The following LRRC4C variants were observed in gnomAD, a reference collection of about 807,000 sequenced individuals.
LRRC4C encodes the protein leucine-rich repeat-containing protein 4C.
A neutral mutation model predicts 33.6 loss-of-function variants in LRRC4C; 5 were observed. That is an observed-to-expected ratio of 0.15 (90% CI 0.08 to 0.31). The LOEUF (loss-of-function observed/expected upper bound fraction) is 0.31. LRRC4C is among the 10% of genes least tolerant of loss of function. LRRC4C has a pLI of 1.00. For missense variants in LRRC4C, 560 were observed against 796.7 expected, an observed-to-expected ratio of 0.70 and a Z score of 3.58; for synonymous variants, 329 against 302.0, an observed-to-expected ratio of 1.09 and a Z score of -0.93.
intron 1 of LRRC4C, among the ~76,000 whole-genome samples, chr11:41,116,495 T>C (rs547218106): frequency 6.6e-6 from 1 of 152,286 alleles, no homozygotes; most frequent in African/African-American, 2.4e-5. Context: ...GGTAGTATTG[T>C]TGCAGGAAGG....
intron 2 of LRRC4C, among the ~76,000 whole-genome samples, chr11:40,889,263 A>G (rs1345196720): frequency 6.6e-6 from 1 of 152,154 alleles, no homozygotes; most frequent in Admixed American, 6.5e-5. Flanking sequence ...CCTGTCAAGG[A>G]AAGATGCTCA....
At chr11:41,233,145 T>TA (rs1452577896) in intron 1 of LRRC4C, among the ~76,000 whole-genome samples, 7 of 151,998 alleles carry the variant, frequency 4.6e-5, no homozygotes, top group South Asian at 2.1e-4. Flanking sequence ...TTTAAGGAAG[T>TA]AAAAAATCTT....
chr11:40,299,893 C>A (rs1162766947), intron 4 of LRRC4C, among the ~76,000 whole-genome samples: 4 of 152,274 alleles, frequency 2.6e-5, no homozygotes, highest in South Asian at 4.2e-4. Flanking sequence ...TGGGGCCAGA[C>A]CAAGAGGATT....
intron 3 of LRRC4C, among the ~76,000 whole-genome samples, chr11:40,596,863 G>A (rs2135777445): frequency 6.6e-6 from 1 of 152,130 alleles, no homozygotes; most frequent in Non-Finnish European, 1.5e-5. Context: ...TCAGGATATG[G>A]AATCAATATA....
intron 5 of LRRC4C, among the ~76,000 whole-genome samples, chr11:40,173,356 G>T (rs555915826): frequency 6.6e-6 from 1 of 152,192 alleles, no homozygotes; most frequent in African/African-American, 2.4e-5. Context: ...AAGAGGCAAA[G>T]ACCTGCATGT....
intron 2 of LRRC4C, among the ~76,000 whole-genome samples, chr11:40,827,714 A>G (rs1482167481): frequency 1.3e-5 from 2 of 151,726 alleles, no homozygotes; most frequent in South Asian, 4.1e-4. Context: ...TGAAATGAGT[A>G]TGTTTGCGTG....
intron 4 of LRRC4C, among the ~76,000 whole-genome samples, chr11:40,255,685 T>C (rs1208074278): frequency 6.6e-6 from 1 of 152,144 alleles, no homozygotes; most frequent in African/African-American, 2.4e-5. Flanking sequence ...ATTCACACAA[T>C]GGGAAGAGTA....
rs375068084 is a variant in LRRC4C, at chr11:41,067,768, A to C, written c.-495-134045T>G. On this transcript the variant is annotated intron_variant, in intron 1 of 6. Coordinates refer to ENST00000528697, the MANE Select transcript of LRRC4C (RefSeq NM_001258419.2). ...TAAGAAACTCACTTAAAACCACACA[A>C]CTACGTGGAAATTGAACAACTTGCT... is the stretch of plus-strand genomic sequence containing the variant. 5.3e-5 allele frequency among the ~76,000 whole-genome samples: 8 copies of C among 152,332 alleles called. No individual in the cohort carries two copies. The East Asian group carries it at 1.3e-3, about 26-fold the overall frequency.
At chr11:41,048,518 C>T (rs1687097263) in intron 1 of LRRC4C, among the ~76,000 whole-genome samples, 1 of 152,072 alleles carries the variant, frequency 6.6e-6, no homozygotes, top group Non-Finnish European at 1.5e-5. Context: ...CCTCCTCGGT[C>T]TCCCAAAGTG....
chr11:40,760,810 C>A (rs1202213188), intron 2 of LRRC4C, among the ~76,000 whole-genome samples: 1 of 146,828 alleles, frequency 6.8e-6, no homozygotes, highest in African/African-American at 2.5e-5. Context: ...TACACACACA[C>A]ACACACACAC....
chr11:40,496,912 A>G (rs1388551921), intron 3 of LRRC4C, among the ~76,000 whole-genome samples: 1 of 152,188 alleles, frequency 6.6e-6, no homozygotes, highest in East Asian at 1.9e-4. Context: ...TATGAATGCT[A>G]TGGAAAGTGA....
chr11:40,947,259 G>A (rs1224410748), intron 1 of LRRC4C, among the ~76,000 whole-genome samples: 1 of 152,090 alleles, frequency 6.6e-6, no homozygotes, highest in Non-Finnish European at 1.5e-5. Context: ...GTAAAACGAT[G>A]CACAAATTTG....
chr11:40,298,652 T>C (rs902294423), intron 4 of LRRC4C, among the ~76,000 whole-genome samples: 1 of 151,984 alleles, frequency 6.6e-6, no homozygotes, highest in Non-Finnish European at 1.5e-5. Context: ...GGAAGTGTAT[T>C]AGTCTGTTTT....
chr11:40,870,486 C>T (rs1017639075), intron 2 of LRRC4C, among the ~76,000 whole-genome samples: 13 of 152,198 alleles, frequency 8.5e-5, no homozygotes, highest in African/African-American at 3.1e-4. Context: ...AACGGAGGGA[C>T]TGGCTGAAGC....
At chr11:40,843,538 G>A (rs964297503) in intron 2 of LRRC4C, among the ~76,000 whole-genome samples, 2 of 152,022 alleles carry the variant, frequency 1.3e-5, no homozygotes, top group African/African-American at 2.4e-5. Context: ...GATGAAATAC[G>A]ATATTTCTAA....
chr11:40,662,446 C>T (rs1036366649), intron 2 of LRRC4C, among the ~76,000 whole-genome samples: 1 of 152,126 alleles, frequency 6.6e-6, no homozygotes, highest in African/African-American at 2.4e-5. Context: ...GAAAAGACAA[C>T]CTTGCAGACC....
In LRRC4C at chr11:40,777,333, C is replaced by T. The variant is rs113779763; in HGVS notation, c.-406-129055G>A. The stretch of plus-strand genomic sequence containing the variant: ...ATTGTCTGCGGGGTGTGGACTTCTC[C>T]TCTATAATTATGTCCCTGCCTACAT... On this transcript the variant is annotated intron_variant, in intron 2 of 6. Transcript: ENST00000528697. 4.5e-3 allele frequency among the ~76,000 whole-genome samples: 678 copies of T among 152,134 alleles called. 5 individuals are homozygous for T. The highest frequency in any genetic ancestry group is 0.016 in the African/African-American group (657 of 41,494).
At chr11:41,301,252 G>A (rs12803351) in intron 1 of LRRC4C, among the ~76,000 whole-genome samples, 26,472 of 152,030 alleles carry the variant, frequency 0.17, 2,888 homozygotes, top group East Asian at 0.43. Context: ...ACTTCTTATT[G>A]GAATTACGTC....
chr11:41,434,723 CT>C (rs1955367021), intron 1 of LRRC4C, among the ~76,000 whole-genome samples: 1 of 152,154 alleles, frequency 6.6e-6, no homozygotes, highest in Admixed American at 6.5e-5. Context: ...GTAAGCAAGA[CT>C]TCCTGCTTGG....
Sources: allele counts gnomAD v4.1 joint callset (sites outside exome capture counted in the v4.1 genomes callset), GRCh38; gene constraint gnomAD v4.1.1; transcripts MANE v1.5; gene names NCBI Gene and HGNC (gene_info 2026-07-23, HGNC 2026-07-21).